CTNNA3: variants seen among roughly 807,000 people sequenced by gnomAD.
The protein encoded by CTNNA3 is catenin alpha-3.
CTNNA3 carries 76 observed loss-of-function variants against 95.7 expected under a neutral mutation model. The observed-to-expected ratio is 0.79, with a 90% confidence interval of 0.66 to 0.96. The LOEUF is 0.96. Ranked by LOEUF, CTNNA3 falls within the 40% of genes least tolerant of loss-of-function variation. The pLI is 0.00. For missense variants in CTNNA3, 1,191 were observed against 1,089.8 expected (o/e 1.09, Z -1.31); for synonymous variants, 431 against 374.4 (o/e 1.15, Z -1.74).
chr10:66,096,181 T>A (rs2081379436), intron 14 of CTNNA3, among the ~76,000 whole-genome samples: 1 of 152,164 alleles, frequency 6.6e-6, no homozygotes, highest in African/African-American at 2.4e-5. Flanking sequence ...TCTTACCCAG[T>A]CTAATTCAGT....
At chr10:66,186,552 T>C (rs1478793753) in intron 13 of CTNNA3, among the ~76,000 whole-genome samples, 1 of 152,174 alleles carries the variant, frequency 6.6e-6, no homozygotes, top group Non-Finnish European at 1.5e-5. Flanking sequence ...TATCATAAGA[T>C]ATATCAACAT....
At chr10:66,587,975 A>G (rs1204626802) in intron 10 of CTNNA3, among the ~76,000 whole-genome samples, 3 of 151,900 alleles carry the variant, frequency 2.0e-5, no homozygotes, top group Non-Finnish European at 2.9e-5. Context: ...TTATAATCTC[A>G]TATCTCAGAT....
intron 5 of CTNNA3, among the ~76,000 whole-genome samples, chr10:67,310,614 G>T (rs1173279731): frequency 6.6e-6 from 1 of 152,180 alleles, no homozygotes; most frequent in Non-Finnish European, 1.5e-5. Flanking sequence ...TCACATGGCT[G>T]GGAAGGCCTC....
At position 67,375,264 on chromosome 10, in the gene CTNNA3, GA is replaced by G. The variant is rs145080487; in HGVS notation, c.579+146577del. Among the ~76,000 whole-genome samples, 81 of 152,224 alleles carry G rather than the reference GA, an allele frequency of 5.3e-4. 1 individual carries two copies. In the East Asian group the frequency reaches 0.015, roughly 28 times the overall value. On this transcript the variant is annotated intron_variant, in intron 5 of 17. Coordinates refer to ENST00000433211, the MANE Select transcript of CTNNA3 (RefSeq NM_013266.4). ...CCTATATAACATTCAGCAATATCTG[GA>G]TAAATTATTGGGTATCACAATGAGT...
chr10:67,046,757 A>G (rs1019174740), intron 7 of CTNNA3, among the ~76,000 whole-genome samples: 2 of 152,172 alleles, frequency 1.3e-5, no homozygotes, highest in Non-Finnish European at 2.9e-5. Flanking sequence ...TCTAGTTCTG[A>G]ATAAATAAAA....
chr10:67,482,755 G>A (rs7909105), intron 5 of CTNNA3, among the ~76,000 whole-genome samples: 44,458 of 151,866 alleles, frequency 0.29, 11,076 homozygotes, highest in African/African-American at 0.68. Flanking sequence ...TCTCCTGCCT[G>A]ATTGCCCTGG....
chr10:66,772,925 C>T (rs1406848157), intron 8 of CTNNA3, among the ~76,000 whole-genome samples: 1 of 152,128 alleles, frequency 6.6e-6, no homozygotes, highest in Non-Finnish European at 1.5e-5. Flanking sequence ...AAACGATGAA[C>T]ATTAAATACT....
intron 11 of CTNNA3, among the ~76,000 whole-genome samples, chr10:66,517,373 G>T (rs1448298566): frequency 6.6e-6 from 1 of 152,108 alleles, no homozygotes; most frequent in African/African-American, 2.4e-5. Context: ...CACAGGATGA[G>T]ATAGGAGGTC....
At chr10:66,890,234 G>C (rs1037949047) in intron 7 of CTNNA3, among the ~76,000 whole-genome samples, 1 of 152,130 alleles carries the variant, frequency 6.6e-6, no homozygotes, top group African/African-American at 2.4e-5. Context: ...TGAAGGCTTG[G>C]CAGTTAATAT....
intron 9 of CTNNA3, among the ~76,000 whole-genome samples, chr10:66,674,303 T>C (rs997580653): frequency 3.9e-5 from 6 of 152,048 alleles, no homozygotes; most frequent in African/African-American, 1.4e-4. Context: ...TTTGTTGTTG[T>C]TCTTTTATTA....
chr10:66,424,064 GTTCAT>G (rs1260124454), intron 11 of CTNNA3, among the ~76,000 whole-genome samples: 4 of 151,882 alleles, frequency 2.6e-5, no homozygotes, highest in African/African-American at 4.8e-5. Context: ...CATGAAAATT[GTTCAT>G]TTCATCTAAA....
chr10:66,882,917 A>T (rs572821002), intron 7 of CTNNA3, among the ~76,000 whole-genome samples: 127 of 152,198 alleles, frequency 8.3e-4, no homozygotes, highest in African/African-American at 3.0e-3. Flanking sequence ...AGCAGTTCTT[A>T]ACATATTAGG....
chr10:66,718,135 T>C (rs1364910571), intron 9 of CTNNA3, among the ~76,000 whole-genome samples: 2 of 39,036 alleles, frequency 5.1e-5, no homozygotes, highest in African/African-American at 2.8e-4. Context: ...TCACCTGTAT[T>C]AACCTTTTTT....
rs1865326427 is a variant in CTNNA3 at position 67,233,697 on chromosome 10, C to G, written c.580-13827G>C. 2.7e-5 allele frequency among the ~76,000 whole-genome samples: 4 copies of G among 149,782 alleles called. No individual in the cohort carries two copies. The South Asian group carries it at 8.6e-4, about 32-fold the overall frequency. On this transcript the variant is annotated intron_variant, in intron 5 of 17. Coordinates refer to ENST00000433211, the MANE Select transcript of CTNNA3 (RefSeq NM_013266.4). ...TGAAGGAAATAGACACACAAAAAAC[C>G]CTTCAAAAAATTAATGAATCCAGGA...
intron 9 of CTNNA3, among the ~76,000 whole-genome samples, chr10:66,711,369 CTA>C (rs974219059): frequency 1.1e-3 from 164 of 151,534 alleles, no homozygotes; most frequent in African/African-American, 3.9e-3. Context: ...TAAAAAACAG[CTA>C]TATATCATGA....
intron 12 of CTNNA3, among the ~76,000 whole-genome samples, chr10:66,313,605 C>T (rs960650359): frequency 3.3e-5 from 5 of 152,134 alleles, no homozygotes; most frequent in Non-Finnish European, 5.9e-5. Context: ...TCTCTGACCA[C>T]GTAGCTATAG....
intron 5 of CTNNA3, among the ~76,000 whole-genome samples, chr10:67,250,176 A>C (rs1589085790): frequency 6.6e-6 from 1 of 152,194 alleles, no homozygotes; most frequent in East Asian, 1.9e-4. Context: ...TGGATCCAAA[A>C]GACAGGATTT....
At chr10:67,751,854 C>G (rs1385576141) in intron 1 of CTNNA3, among the ~76,000 whole-genome samples, 1 of 146,324 alleles carries the variant, frequency 6.8e-6, no homozygotes, top group Non-Finnish European at 1.5e-5. Context: ...AAAAAAAAAG[C>G]CCAGGACCAG....
At chr10:66,954,841 T>C (rs1224515868) in intron 7 of CTNNA3, among the ~76,000 whole-genome samples, 1 of 152,126 alleles carries the variant, frequency 6.6e-6, no homozygotes, top group African/African-American at 2.4e-5. Flanking sequence ...GGGCTACAAG[T>C]AGAGAAATTA....
Sources: allele counts gnomAD v4.1 joint callset (sites outside exome capture counted in the v4.1 genomes callset), GRCh38; gene constraint gnomAD v4.1.1; transcripts MANE v1.5; gene names NCBI Gene and HGNC (gene_info 2026-07-23, HGNC 2026-07-21).